Variants in NKAIN3 observed in about 807,000 individuals in gnomAD.
NKAIN3 encodes sodium/potassium transporting ATPase interacting 3.
NKAIN3 carries 25 observed loss-of-function variants against 30.2 expected under a neutral mutation model. The observed-to-expected ratio is 0.83, with a 90% CI of 0.60 to 1.16. The LOEUF (loss-of-function observed/expected upper bound fraction) is 1.16, where lower values mean the gene tolerates loss of function less well. Ranked by LOEUF, NKAIN3 falls within the 50% of genes most tolerant of loss-of-function variation. The pLI, the probability that NKAIN3 is intolerant of heterozygous loss-of-function variation, is 0.00. For synonymous variants in NKAIN3, 91 were observed against 89.6 expected (o/e 1.02, Z -0.09); for missense variants, 225 against 254.1 (o/e 0.89, Z 0.78).
chr8:62,416,631 C>A (rs1045938230), intron 1 of NKAIN3, among the ~76,000 whole-genome samples: 5 of 152,068 alleles, frequency 3.3e-5, no homozygotes, highest in Non-Finnish European at 5.9e-5. Flanking sequence ...GATATCCATC[C>A]CCTCAAGTAT....
At chr8:62,482,503 AG>A (rs1472597012) in intron 1 of NKAIN3, 17 of 152,384 alleles carry the variant, frequency 1.1e-4, no homozygotes, top group African/African-American at 4.1e-4. Context: ...GGAGTTGAAG[AG>A]TGAGCTCAGT....
intron 1 of NKAIN3, among the ~76,000 whole-genome samples, chr8:62,328,716 TGC>T (rs1203743826): frequency 6.6e-6 from 1 of 152,136 alleles, no homozygotes; most frequent in Non-Finnish European, 1.5e-5. Context: ...CCCAGAACTT[TGC>T]ATAAATGTGT....
intron 1 of NKAIN3, chr8:62,383,393 C>A (rs550077843): frequency 7.4e-6 from 3 of 403,060 alleles, no homozygotes; most frequent in Non-Finnish European, 1.5e-5. Context: ...AGTGGAGTAG[C>A]CTTTTCCTTC....
At chr8:62,446,254 A>G (rs1000834758) in intron 1 of NKAIN3, among the ~76,000 whole-genome samples, 1 of 152,156 alleles carries the variant, frequency 6.6e-6, no homozygotes, top group African/African-American at 2.4e-5. Flanking sequence ...ATCTTAGCAT[A>G]TGATCAGACA....
chr8:62,552,028 C>T (rs827705), intron 1 of NKAIN3, among the ~76,000 whole-genome samples: 52,672 of 151,994 alleles, frequency 0.35, 9,370 homozygotes, highest in African/African-American at 0.43. Flanking sequence ...TGATCCAGGA[C>T]ATAATTCATT....
At chr8:62,686,177 A>G (rs924163124) in intron 3 of NKAIN3, among the ~76,000 whole-genome samples, 1 of 152,160 alleles carries the variant, frequency 6.6e-6, no homozygotes, top group Non-Finnish European at 1.5e-5. Context: ...AAACCAGACT[A>G]TTTCTGCCTA....
At chr8:62,317,218 GT>G (rs1814669837) in intron 1 of NKAIN3, among the ~76,000 whole-genome samples, 1 of 152,154 alleles carries the variant, frequency 6.6e-6, no homozygotes, top group Non-Finnish European at 1.5e-5. Flanking sequence ...CTCCCATTCT[GT>G]AGGTTGCATG....
intron 4 of NKAIN3, among the ~76,000 whole-genome samples, chr8:62,761,273 G>C (rs942534510): frequency 6.6e-6 from 1 of 151,992 alleles, no homozygotes; most frequent in Non-Finnish European, 1.5e-5. Context: ...TGTGTTGTGT[G>C]CTCTGTAATT....
rs575004635 is a variant in NKAIN3 at position 62,249,117 on chromosome 8, C to T, written c.44C>T (p.Ala15Val). The change falls in exon 1 of 7, where the codon GCG (alanine) becomes GTG (valine). Residue 15 changes from alanine to valine, a missense_variant. By Grantham distance (64) the Ala-to-Val change is moderately conservative (BLOSUM62 0). Coordinates refer to ENST00000623646, the MANE Select transcript of NKAIN3 (RefSeq NM_001304533.3). ...TGRCSLICLC[A>V]LQLVSALERQ... ...CGCTGCTCGCTCATCTGCCTCTGCGCGCTGCAGTTGGTGAGTGCCCCGAGG... is the reference window on the plus strand; with the variant it reads ...CGCTGCTCGCTCATCTGCCTCTGCGTGCTGCAGTTGGTGAGTGCCCCGAGG... 2 of 1,537,724 alleles carry T rather than the reference C, an allele frequency of 1.3e-6. No individual in the cohort carries two copies. The highest frequency in any genetic ancestry group is 5.1e-5 in the East Asian group (2 of 39,548).
At chr8:62,800,928 C>G (rs942863360) in intron 4 of NKAIN3, among the ~76,000 whole-genome samples, 2 of 152,206 alleles carry the variant, frequency 1.3e-5, no homozygotes, top group Non-Finnish European at 2.9e-5. Context: ...CTGCGCTTTT[C>G]CAACGGGCTT....
intron 3 of NKAIN3, 40 bp from the exon 4 acceptor site, chr8:62,746,892 C>A: frequency 6.9e-7 from 1 of 1,444,216 alleles, no homozygotes. Flanking sequence ...TGATGTAATA[C>A]AATTTCCTCA....
At chr8:62,498,942 A>G (rs1460792661) in intron 1 of NKAIN3, among the ~76,000 whole-genome samples, 3 of 152,172 alleles carry the variant, frequency 2.0e-5, no homozygotes, top group African/African-American at 7.2e-5. Context: ...CCATTTATTT[A>G]TATCTGATAA....
chr8:62,543,294 C>T (rs749590784), intron 1 of NKAIN3, among the ~76,000 whole-genome samples: 3 of 152,158 alleles, frequency 2.0e-5, no homozygotes, highest in Admixed American at 6.6e-5. Flanking sequence ...TACTAGCCTT[C>T]CTTTGGTCCA....
chr8:62,779,989 A>G (rs1051478471), intron 4 of NKAIN3, among the ~76,000 whole-genome samples: 17 of 152,122 alleles, frequency 1.1e-4, no homozygotes, highest in Non-Finnish European at 1.3e-4. Flanking sequence ...CTACAGAAAC[A>G]ATACAAAAGA....
At chr8:62,744,440 T>C (rs1816003731) in intron 3 of NKAIN3, among the ~76,000 whole-genome samples, 1 of 152,222 alleles carries the variant, frequency 6.6e-6, no homozygotes, top group Non-Finnish European at 1.5e-5. Flanking sequence ...TCTTGTTTTA[T>C]TTGTATAATA....
chr8:62,728,807 G>A (rs1011701891), intron 3 of NKAIN3, among the ~76,000 whole-genome samples: 9 of 151,306 alleles, frequency 5.9e-5, no homozygotes, highest in Non-Finnish European at 1.0e-4. Flanking sequence ...TGGCTAACAC[G>A]GCAAAACCCC....
chr8:62,262,900 G>A (rs1489941785), intron 1 of NKAIN3, among the ~76,000 whole-genome samples: 2 of 152,066 alleles, frequency 1.3e-5, no homozygotes, highest in African/African-American at 2.4e-5. Flanking sequence ...ACATTTATTA[G>A]AGGGCAGAGG....
At chr8:62,373,934 G>T (rs1816985342) in intron 1 of NKAIN3, among the ~76,000 whole-genome samples, 1 of 151,764 alleles carries the variant, frequency 6.6e-6, no homozygotes, top group South Asian at 2.1e-4. Flanking sequence ...GCAACATGGT[G>T]AAACCCCGTC....
intron 1 of NKAIN3, among the ~76,000 whole-genome samples, chr8:62,312,892 C>A (rs148611425): frequency 6.6e-6 from 1 of 151,698 alleles, no homozygotes; most frequent in Non-Finnish European, 1.5e-5. Flanking sequence ...GGCTTATGGT[C>A]CCCAAGAAAC....
Sources: gnomAD v4.1 joint callset for allele counts (sites outside exome capture counted in the v4.1 genomes callset) on GRCh38, gnomAD v4.1.1 for gene constraint, MANE v1.5 for transcripts, NCBI Gene and HGNC (gene_info 2026-07-23, HGNC 2026-07-21) for gene names.